The following SEMA3D variants were observed in gnomAD, a reference collection of about 807,000 sequenced individuals.
SEMA3D encodes the protein semaphorin-3D.
A neutral mutation model predicts 100.1 loss-of-function variants in SEMA3D; 84 were observed. That is an observed-to-expected ratio of 0.84 (90% CI 0.70 to 1.01). SEMA3D has a LOEUF of 1.01. Ranked by LOEUF, SEMA3D falls within the 50% of genes least tolerant of loss-of-function variation. SEMA3D has a pLI of 0.00. For synonymous variants in SEMA3D, 312 were observed against 320.7 expected (o/e 0.97, Z 0.29); for missense variants, 875 against 934.1 (o/e 0.94, Z 0.82).
chr7:85,190,367 G>A (rs1026627266), upstream of SEMA3D, among the ~76,000 whole-genome samples: 3 of 151,998 alleles, frequency 2.0e-5, no homozygotes, highest in African/African-American at 7.2e-5. Context: ...CCTTATAAAC[G>A]TTTTCTCATA....
intron 11 of SEMA3D, 37 bp downstream of exon 11, chr7:85,040,636 A>G: frequency 9.8e-7 from 1 of 1,021,802 alleles, no homozygotes; most frequent in Non-Finnish European, 1.5e-6. Context: ...TACATATACA[A>G]TTCTCTGAAG....
chr7:85,019,856 C>T (rs551529377), intron 14 of SEMA3D, among the ~76,000 whole-genome samples: 1 of 151,662 alleles, frequency 6.6e-6, no homozygotes, highest in East Asian at 2.0e-4. Flanking sequence ...ATGATTTATA[C>T]ACTGGTCTAT....
At chr7:85,046,203 T>C (rs992193670) in intron 9 of SEMA3D, among the ~76,000 whole-genome samples, 19 of 151,916 alleles carry the variant, frequency 1.3e-4, no homozygotes, top group African/African-American at 4.6e-4. Context: ...AAATGAGCAA[T>C]CGTATCCTCT....
intron 1 of SEMA3D, among the ~76,000 whole-genome samples, chr7:85,164,480 C>T (rs1790838430): frequency 1.3e-5 from 2 of 152,020 alleles, no homozygotes; most frequent in Non-Finnish European, 1.5e-5. Flanking sequence ...ATTAGATTCC[C>T]TTAGTCATTA....
chr7:85,006,938 A>C lies in SEMA3D; in HGVS notation c.1772T>G (p.Ile591Ser), dbSNP rs773407335. The C allele has an allele frequency of 6.2e-7, 1 of 1,608,814 alleles. No homozygotes were observed. The highest frequency in any genetic ancestry group is 1.3e-5 in the African/African-American group (1 of 74,616). ...CTTTTCATCAGCAGTTTCATGACTA[A>C]TGCCTGGAAAGCAAACATGGAATAA... Reference protein sequence around the residue: ...ITQCWDIEDSISHETADEKVI... With the variant: ...ITQCWDIEDSSSHETADEKVI... The change falls in exon 18 of 19, where the codon ATT becomes AGT. Residue 591 changes from isoleucine (I) to serine (S), a missense_variant. Coordinates refer to ENST00000284136, the MANE Select transcript of SEMA3D (RefSeq NM_001384900.1).
rs145186980 is a variant in SEMA3D at position 85,145,237 on chromosome 7, CA to C, written c.-41+8370del. On this transcript the variant is annotated intron_variant, in intron 2 of 18. Coordinates refer to ENST00000284136, the MANE Select transcript of SEMA3D (RefSeq NM_001384900.1). ...ATGTGTTAAATTTATTATGTAAAAC[CA>C]AAAAAAAAATGCGTGAATGAAAAAG... is the stretch of plus-strand genomic sequence containing the variant. Among the ~76,000 whole-genome samples, 689 of 144,010 alleles carry C rather than the reference CA, an allele frequency of 4.8e-3. 3 individuals are homozygous for C. The highest frequency in any genetic ancestry group is 0.015 in the African/African-American group (592 of 39,480). 94.5% of individuals were successfully genotyped at this position (144,010 alleles called of 152,430 possible).
intron 5 of SEMA3D, among the ~76,000 whole-genome samples, chr7:85,079,270 C>T (rs1476373102): frequency 6.6e-6 from 1 of 152,096 alleles, no homozygotes; most frequent in African/African-American, 2.4e-5. Context: ...GTAACTGCTA[C>T]AAAAATGTTA....
At chr7:85,032,092 G>T (rs1790566922) in intron 12 of SEMA3D, among the ~76,000 whole-genome samples, 1 of 151,934 alleles carries the variant, frequency 6.6e-6, no homozygotes, top group South Asian at 2.1e-4. Flanking sequence ...TATTGGGAAA[G>T]TTATTTAATT....
In SEMA3D at chr7:85,095,856, T is replaced by C. The variant is rs1233965096; in HGVS notation, c.312+1949A>G. On this transcript the variant is annotated intron_variant, in intron 4 of 18. Coordinates refer to ENST00000284136, the MANE Select transcript of SEMA3D (RefSeq NM_001384900.1). ...AAATTGATACTTCATAAACATTTAC[T>C]TTTTAAAATATTAGCACATTTCATG... Among the ~76,000 whole-genome samples the C allele has an allele frequency of 3.9e-5, 6 of 152,192 alleles. No individual in the cohort carries two copies. The South Asian group carries it at 8.3e-4, about 21-fold the overall frequency.
In SEMA3D at chr7:85,156,101, AT is replaced by A. The variant is rs3078417; in HGVS notation, c.-172-2363del. 3.7e-3 allele frequency among the ~76,000 whole-genome samples: 523 copies of A among 142,274 alleles called. 1 individual carries two copies. Among genetic ancestry groups the A allele is most frequent in the African/African-American group, 0.01 (396 of 39,198 alleles). 93.3% of individuals were successfully genotyped at this position (142,274 alleles called of 152,430 possible). On this transcript the variant is annotated intron_variant, in intron 1 of 18. Coordinates refer to ENST00000284136, the MANE Select transcript of SEMA3D (RefSeq NM_001384900.1). ...CTTGCATTATGCTGCAATATAAGTG[AT>A]TTTTTTTTTTTTTTTTTTGAGATGG...
intron 3 of SEMA3D, among the ~76,000 whole-genome samples, chr7:85,111,478 T>TTC (rs766058370): frequency 9.2e-5 from 14 of 152,062 alleles, no homozygotes; most frequent in Non-Finnish European, 1.9e-4. Flanking sequence ...CATCTTTGAC[T>TTC]TCTCTCTCAC....
chr7:85,182,741 C>A (rs1220832853), intron 1 of SEMA3D, among the ~76,000 whole-genome samples: 1 of 152,094 alleles, frequency 6.6e-6, no homozygotes, highest in Non-Finnish European at 1.5e-5. Context: ...CATAGTAAAT[C>A]ATCATTATTA....
At chr7:85,007,015 G>A (rs1789817260) in intron 17 of SEMA3D, 74 bp from the exon 18 acceptor site, 1 of 1,115,154 alleles carries the variant, frequency 9.0e-7, no homozygotes, top group African/African-American at 1.6e-5. Context: ...GACTGATTCA[G>A]AACAGATGCC....
chr7:85,154,693 C>T (rs1161642432), intron 1 of SEMA3D, among the ~76,000 whole-genome samples: 2 of 152,096 alleles, frequency 1.3e-5, no homozygotes, highest in Non-Finnish European at 2.9e-5. Flanking sequence ...GTATAAAGTG[C>T]ACTTTGTAAA....
chr7:85,230,268 A>G, the SEMA3D span, among the ~76,000 whole-genome samples: 1 of 152,146 alleles, frequency 6.6e-6, no homozygotes, highest in African/African-American at 2.4e-5. Flanking sequence ...GCTTATGACC[A>G]GCCTTTTCAA....
At chr7:85,140,496 G>C (rs956247174) in intron 2 of SEMA3D, 1 of 983,446 alleles carries the variant, frequency 1.0e-6, no homozygotes, top group African/African-American at 1.7e-5. Context: ...ACATTAAAAA[G>C]AAAAATTGAG....
chr7:85,009,347 A>G (rs1355762782), intron 17 of SEMA3D, among the ~76,000 whole-genome samples: 2 of 151,772 alleles, frequency 1.3e-5, no homozygotes, highest in African/African-American at 4.8e-5. Context: ...GCAATTTTGT[A>G]GCTTTTAACA....
At chr7:85,111,650 G>T (rs757556057) in intron 3 of SEMA3D, among the ~76,000 whole-genome samples, 1 of 151,972 alleles carries the variant, frequency 6.6e-6, no homozygotes, top group Non-Finnish European at 1.5e-5. Context: ...TGTCAACATA[G>T]AAATCAGAAT....
intron 10 of SEMA3D, 148 bp downstream of exon 10, chr7:85,042,023 C>G (rs1790878526): frequency 7.5e-6 from 5 of 664,594 alleles, no homozygotes; most frequent in African/African-American, 1.8e-5. Flanking sequence ...CTTCCGTGTA[C>G]TTTGCGTGTG....
Sources: gnomAD v4.1 joint callset for allele counts (sites outside exome capture counted in the v4.1 genomes callset) on GRCh38, gnomAD v4.1.1 for gene constraint, MANE v1.5 for transcripts, NCBI Gene and HGNC (gene_info 2026-07-23, HGNC 2026-07-21) for gene names.